The following DDI2 variants were observed in gnomAD, a reference collection of about 807,000 sequenced individuals.
DDI2 encodes the protein DDI proteasomal shuttling factor 2.
DDI2 carries 5 observed loss-of-function variants against 48.1 expected under a neutral mutation model. The ratio of observed to expected loss-of-function variants is 0.10; its 90% CI spans 0.05 to 0.22. The LOEUF is 0.22. DDI2 is among the 10% of genes least tolerant of loss of function. The probability of loss-of-function intolerance (pLI) is 1.00; values close to 1 mark genes in which losing one functional copy is unlikely to be tolerated. For synonymous variants in DDI2, 205 were observed against 183.6 expected, an observed-to-expected ratio of 1.12 and a Z score of -0.94; for missense variants, 285 against 506.2, an observed-to-expected ratio of 0.56 and a Z score of 4.19.
chr1:15,630,712 C>T, intron 3 of DDI2, 151 bp downstream of exon 3: 2 of 637,368 alleles, frequency 3.1e-6, no homozygotes, highest in Non-Finnish European at 5.5e-6. Flanking sequence ...GTGCTAAAGT[C>T]AAAGGCTGAG....
chr1:15,644,115 C>T (rs990473991), intron 6 of DDI2, among the ~76,000 whole-genome samples: 3 of 152,146 alleles, frequency 2.0e-5, no homozygotes, highest in African/African-American at 7.2e-5. Flanking sequence ...GTATTCATCC[C>T]AGACATTTCC....
At chr1:15,651,325 A>C (rs1461758705) in intron 7 of DDI2, among the ~76,000 whole-genome samples, 1 of 152,210 alleles carries the variant, frequency 6.6e-6, no homozygotes, top group Non-Finnish European at 1.5e-5. Flanking sequence ...TACACAAAAA[A>C]GGAAGTTAGC....
rs1640373559 is a variant in DDI2 at position 15,661,377 on chromosome 1, A to G, written c.*1587A>G. The G allele has an allele frequency of 6.2e-7, 1 of 1,614,064 alleles. No homozygotes were observed. The highest frequency in any genetic ancestry group is 1.7e-5 in the Admixed American group (1 of 60,006). ...AACTTTTAGCAGGTGAGGAGGATGC[A>G]CTCAATCAGACTTCTGAGCAAACTA... is the stretch of plus-strand genomic sequence containing the variant. On this transcript the variant is annotated 3_prime_UTR_variant, in exon 10 of 10. Coordinates refer to ENST00000480945, the MANE Select transcript of DDI2 (RefSeq NM_032341.5).
intron 1 of DDI2, among the ~76,000 whole-genome samples, chr1:15,618,681 C>T (rs1391219619): frequency 6.6e-6 from 1 of 152,232 alleles, no homozygotes; most frequent in Non-Finnish European, 1.5e-5. Context: ...TCTCAAAATG[C>T]TTTGGGGCTG....
intron 6 of DDI2, 42 bp downstream of exon 6, chr1:15,643,692 A>T: frequency 6.2e-7 from 1 of 1,606,926 alleles, no homozygotes; most frequent in African/African-American, 1.3e-5. Flanking sequence ...TCTGTAGGCT[A>T]TTTGTAGGTA....
At chr1:15,629,605 A>C (rs2103464495) in intron 2 of DDI2, among the ~76,000 whole-genome samples, 2 of 152,258 alleles carry the variant, frequency 1.3e-5, no homozygotes, top group Non-Finnish European at 2.9e-5. Flanking sequence ...TCAAAAAAAA[A>C]AAAAAAAAAT....
rs188988859 is a variant in DDI2 at position 15,619,309 on chromosome 1, A to G, written c.138+1501A>G. ...CTAATTTTTGTAATTTTTTTTTAGT[A>G]GAGACGGGGTTTCACCATGTTGACC... is the stretch of plus-strand genomic sequence containing the variant. On this transcript the variant is annotated intron_variant, in intron 1 of 9. Transcript: ENST00000480945. 7.1e-3 allele frequency among the ~76,000 whole-genome samples: 1,075 copies of G among 151,102 alleles called. 11 individuals carry two copies. Among genetic ancestry groups the G allele is most frequent in the Admixed American group, 0.012 (187 of 15,120 alleles).
chr1:15,625,452 G>T (rs1570966831), intron 1 of DDI2, among the ~76,000 whole-genome samples: 1 of 152,124 alleles, frequency 6.6e-6, no homozygotes, highest in South Asian at 2.1e-4. Flanking sequence ...AAATTATAGT[G>T]TACCTTTGTT....
rs1640472632 is a variant in DDI2 at position 15,667,483 on chromosome 1, A to G, written c.*7693A>G. 6.6e-6 allele frequency: 1 copy of G among 152,198 alleles called. No homozygotes were observed. The allele number at this position is 152,198 out of a possible 1,614,324, so 9.4% of individuals were successfully genotyped here. On this transcript the variant is annotated 3_prime_UTR_variant, in exon 10 of 10. Transcript: ENST00000480945. ...CCCTTTGTGAGCACGGCTGCTCCGG[A>G]ATACTGACCATCTGGGCTAGCACGA... is the stretch of plus-strand genomic sequence containing the variant.
intron 9 of DDI2, among the ~76,000 whole-genome samples, chr1:15,658,754 TA>T (rs3070655): frequency 8.4e-4 from 122 of 145,596 alleles, no homozygotes; most frequent in Non-Finnish European, 1.3e-3. Context: ...AACACAGTCT[TA>T]AAAAAAAAAA....
At chr1:15,645,408 G>A (rs1640075513) in intron 6 of DDI2, among the ~76,000 whole-genome samples, 1 of 152,198 alleles carries the variant, frequency 6.6e-6, no homozygotes, top group South Asian at 2.1e-4. Context: ...ATTCAGGTAG[G>A]ATAATCTCTC....
intron 4 of DDI2, chr1:15,633,870 C>T (rs767029869): frequency 8.7e-6 from 4 of 459,140 alleles, no homozygotes; most frequent in African/African-American, 2.0e-5. Flanking sequence ...TGAGCAGAAG[C>T]CACCATCTGG....
intron 6 of DDI2, among the ~76,000 whole-genome samples, chr1:15,647,809 A>G (rs1273299530): frequency 6.7e-6 from 1 of 149,434 alleles, no homozygotes; most frequent in African/African-American, 2.6e-5. Flanking sequence ...TAAAACTACA[A>G]AAAATTAGCC....
intron 4 of DDI2, 78 bp downstream of exon 4, chr1:15,633,643 G>A (rs1639882011): frequency 1.3e-6 from 2 of 1,584,266 alleles, no homozygotes; most frequent in East Asian, 4.6e-5. Context: ...ACATTGGTTG[G>A]GCATCTGCTT....
At chr1:15,634,536 T>C (rs1046629961) in intron 4 of DDI2, among the ~76,000 whole-genome samples, 3 of 102,686 alleles carry the variant, frequency 2.9e-5, no homozygotes, top group Admixed American at 1.9e-4. Flanking sequence ...TTATTCTTTT[T>C]ATCTTTTTTT....
At chr1:15,626,970 T>C in intron 2 of DDI2, 172 bp downstream of exon 2, 1 of 823,972 alleles carries the variant, frequency 1.2e-6, no homozygotes, top group Non-Finnish European at 1.8e-6. Context: ...TCTAAATTGG[T>C]TTCCTCTTCT....
rs1391937085 is a variant in DDI2 at position 15,623,738 on chromosome 1, C to T, written c.139-2931C>T. ...ATTTTGATTCTCCTGAGTTTGCTTC[C>T]TCCTTGTAAATAAATAAATTTTCTC... On this transcript the variant is annotated intron_variant, in intron 1 of 9. Transcript: ENST00000480945. Among the ~76,000 whole-genome samples, 3 of 151,940 alleles carry T rather than the reference C, an allele frequency of 2.0e-5. No individual in the cohort carries two copies. The East Asian group carries it at 5.8e-4, about 29-fold the overall frequency.
chr1:15,656,538 A>T (rs1235544693), intron 8 of DDI2, 79 bp from the exon 9 acceptor site: 1 of 1,612,130 alleles, frequency 6.2e-7, no homozygotes, highest in Non-Finnish European at 8.5e-7. Flanking sequence ...ATGGCAAAAG[A>T]ACGGAAACTA....
At chr1:15,637,339 T>G (rs1366414293) in intron 4 of DDI2, among the ~76,000 whole-genome samples, 3 of 152,076 alleles carry the variant, frequency 2.0e-5, no homozygotes, top group Non-Finnish European at 4.4e-5. Context: ...CCAAAGAAAG[T>G]GCTGGGACTA....
Sources: gnomAD v4.1 joint callset for allele counts (sites outside exome capture counted in the v4.1 genomes callset) on GRCh38, gnomAD v4.1.1 for gene constraint, MANE v1.5 for transcripts, NCBI Gene and HGNC (gene_info 2026-07-23, HGNC 2026-07-21) for gene names.